Variants in GALNTL6 observed in about 807,000 individuals in gnomAD.
GALNTL6 encodes the protein polypeptide N-acetylgalactosaminyltransferase like 6.
Under a neutral mutation model 73.7 loss-of-function variants are expected in GALNTL6, and 46 were observed. That is an observed-to-expected ratio of 0.62 (90% CI 0.49 to 0.80). The LOEUF (loss-of-function observed/expected upper bound fraction) is 0.80. Among genes scored for constraint, GALNTL6 ranks in the 30% least tolerant of loss-of-function variants. The probability of loss-of-function intolerance (pLI) is 0.00; values close to 1 mark genes in which losing one functional copy is unlikely to be tolerated. For synonymous variants in GALNTL6, 259 were observed against 263.7 expected (o/e 0.98, Z 0.17); for missense variants, 604 against 755.0 (o/e 0.80, Z 2.34).
At chr4:172,910,320 A>C (rs1340224823) in intron 8 of GALNTL6, among the ~76,000 whole-genome samples, 1 of 152,128 alleles carries the variant, frequency 6.6e-6, no homozygotes, top group Admixed American at 6.5e-5. Context: ...ATACATAAAC[A>C]AACATGATCA....
chr4:172,969,050 A>G (rs1750456169), intron 10 of GALNTL6, among the ~76,000 whole-genome samples: 1 of 152,224 alleles, frequency 6.6e-6, no homozygotes. Context: ...AAACAATCTT[A>G]AAACTAATCA....
chr4:173,035,701 C>A (rs1753670660), intron 12 of GALNTL6, among the ~76,000 whole-genome samples: 2 of 152,188 alleles, frequency 1.3e-5, no homozygotes, highest in Admixed American at 6.5e-5. Context: ...CACAGAAGAG[C>A]TCATTTCAGA....
rs76860248 is a variant in GALNTL6, at chr4:172,746,966, G to A, written c.554-62395G>A. ...AAATCCTAAAGACTCCACCTAACTC[G>A]AAAGTGCTGTTAAAACTGATAAATT... On this transcript the variant is annotated intron_variant, in intron 5 of 12. Coordinates refer to ENST00000506823, the MANE Select transcript of GALNTL6 (RefSeq NM_001034845.3). Among the ~76,000 whole-genome samples the A allele has an allele frequency of 6.1e-3, 932 of 152,060 alleles. 9 individuals carry two copies. Among genetic ancestry groups the A allele is most frequent in the African/African-American group, 0.017 (726 of 41,506 alleles).
intron 5 of GALNTL6, among the ~76,000 whole-genome samples, chr4:172,450,746 A>G (rs1732180438): frequency 6.6e-6 from 1 of 152,324 alleles, no homozygotes. Flanking sequence ...CGTGCATCAG[A>G]GATTTAACAC....
rs577065185 is a variant in GALNTL6, at chr4:173,031,939, A to G, written c.1639-7994A>G. On this transcript the variant is annotated intron_variant, in intron 12 of 12. Coordinates refer to ENST00000506823, the MANE Select transcript of GALNTL6 (RefSeq NM_001034845.3). ...GCCTTCTCTGACAAACTAACTTCTA[A>G]ATGGAGACCGAAAAGATGGAGACTT... 2.6e-5 allele frequency among the ~76,000 whole-genome samples: 4 copies of G among 152,268 alleles called. No homozygotes were observed. The South Asian group carries it at 8.3e-4, about 32-fold the overall frequency.
intron 3 of GALNTL6, among the ~76,000 whole-genome samples, chr4:172,279,885 A>G (rs1235199056): frequency 1.3e-5 from 2 of 152,200 alleles, no homozygotes; most frequent in African/African-American, 4.8e-5. Context: ...ACAATAGAAT[A>G]CTATTCAGCC....
chr4:172,297,983 A>G (rs1375677592), intron 3 of GALNTL6, among the ~76,000 whole-genome samples: 1 of 152,222 alleles, frequency 6.6e-6, no homozygotes, highest in Admixed American at 6.5e-5. Context: ...CCTACCCATG[A>G]GCATGGAATG....
intron 5 of GALNTL6, among the ~76,000 whole-genome samples, chr4:172,404,835 T>A (rs935218658): frequency 2.0e-5 from 3 of 152,084 alleles, no homozygotes; most frequent in Non-Finnish European, 4.4e-5. Flanking sequence ...TTTCTCTAAA[T>A]CAGCCTGATT....
intron 2 of GALNTL6, among the ~76,000 whole-genome samples, chr4:172,169,076 T>C (rs1209223876): frequency 1.3e-5 from 2 of 152,232 alleles, no homozygotes; most frequent in African/African-American, 4.8e-5. Context: ...TGGTATGTTA[T>C]TCCTAGCCCC....
intron 2 of GALNTL6, among the ~76,000 whole-genome samples, chr4:171,998,610 A>T (rs1218293916): frequency 6.6e-6 from 1 of 152,144 alleles, no homozygotes; most frequent in Non-Finnish European, 1.5e-5. Flanking sequence ...TCCAAAAGTG[A>T]AATTTATGTT....
chr4:172,846,163 C>A lies in GALNTL6; in HGVS notation c.923+32440C>A, dbSNP rs75129754. Among the ~76,000 whole-genome samples, 1,261 of 152,172 alleles carry A rather than the reference C, an allele frequency of 8.3e-3. 16 individuals are homozygous for A. Among genetic ancestry groups the A allele is most frequent in the African/African-American group, 0.027 (1,139 of 41,522 alleles). Reference sequence around the variant, plus strand: ...AGGGAAGAGCATGTGTTCCTGACATCCCCAGTTGGAATTTGGAATGCATTT... The same window carrying A: ...AGGGAAGAGCATGTGTTCCTGACATACCCAGTTGGAATTTGGAATGCATTT... On this transcript the variant is annotated intron_variant, in intron 7 of 12. Coordinates refer to ENST00000506823, the MANE Select transcript of GALNTL6 (RefSeq NM_001034845.3).
chr4:172,812,387 T>C (rs1470110998), intron 6 of GALNTL6, among the ~76,000 whole-genome samples: 1 of 152,224 alleles, frequency 6.6e-6, no homozygotes, highest in Non-Finnish European at 1.5e-5. Context: ...TATTTGTTTA[T>C]TGTCACATCT....
intron 2 of GALNTL6, among the ~76,000 whole-genome samples, chr4:172,156,695 A>C (rs773149883): frequency 6.6e-6 from 1 of 151,392 alleles, no homozygotes; most frequent in East Asian, 1.9e-4. Context: ...AGGAAAACAC[A>C]ATCAAGTTGG....
At chr4:171,894,131 C>T (rs1419409880) in intron 2 of GALNTL6, among the ~76,000 whole-genome samples, 3 of 152,154 alleles carry the variant, frequency 2.0e-5, no homozygotes, top group Non-Finnish European at 4.4e-5. Flanking sequence ...AAGACTGTCA[C>T]TAAGAATTGT....
rs1298135540 is a variant in GALNTL6 at position 172,235,457 on chromosome 4, T to G, written c.247+5693T>G. ...TCTGACCTCTGGTGATCCGCCCACC[T>G]TGGCCTCCCAAAGTGCTGGAATTAC... On this transcript the variant is annotated intron_variant, in intron 3 of 12. Coordinates refer to ENST00000506823, the MANE Select transcript of GALNTL6 (RefSeq NM_001034845.3). 2.0e-5 allele frequency among the ~76,000 whole-genome samples: 3 copies of G among 152,170 alleles called. No homozygotes were observed. In the East Asian group the frequency reaches 5.8e-4, roughly 29 times the overall value.
At chr4:172,562,133 T>C (rs748222580) in intron 5 of GALNTL6, among the ~76,000 whole-genome samples, 13 of 152,116 alleles carry the variant, frequency 8.5e-5, no homozygotes, top group Non-Finnish European at 1.9e-4. Context: ...CAAAATATTC[T>C]CCTCCCAGTT....
intron 8 of GALNTL6, among the ~76,000 whole-genome samples, chr4:172,929,010 G>A (rs1748196837): frequency 6.6e-6 from 1 of 152,164 alleles, no homozygotes; most frequent in Non-Finnish European, 1.5e-5. Context: ...TGGGACAGGT[G>A]TTTATTGTTG....
At chr4:171,827,151 G>A (rs1734846622) in intron 2 of GALNTL6, among the ~76,000 whole-genome samples, 1 of 152,078 alleles carries the variant, frequency 6.6e-6, no homozygotes, top group Non-Finnish European at 1.5e-5. Context: ...TTCCAACAAG[G>A]TCACATTTGC....
intron 5 of GALNTL6, among the ~76,000 whole-genome samples, chr4:172,571,774 G>T (rs1479124578): frequency 6.6e-6 from 1 of 152,148 alleles, no homozygotes; most frequent in African/African-American, 2.4e-5. Flanking sequence ...GCAAAATTAT[G>T]TGGCAGTTCT....
Sources: gnomAD v4.1 joint callset for allele counts (sites outside exome capture counted in the v4.1 genomes callset) on GRCh38, gnomAD v4.1.1 for gene constraint, MANE v1.5 for transcripts, NCBI Gene and HGNC (gene_info 2026-07-23, HGNC 2026-07-21) for gene names.